PALLD: variants seen among roughly 807,000 people sequenced by gnomAD.
PALLD encodes the protein palladin.
In PALLD, 61 loss-of-function variants were observed where a neutral mutation model predicts 123.5. The ratio of observed to expected loss-of-function variants is 0.49; its 90% CI spans 0.40 to 0.61. PALLD has a LOEUF of 0.61. PALLD is among the 20% of genes least tolerant of loss of function. PALLD has a pLI of 0.00. For missense variants in PALLD, 1,273 were observed against 1,377.0 expected, an observed-to-expected ratio of 0.92 and a Z score of 1.20; for synonymous variants, 465 against 496.4, an observed-to-expected ratio of 0.94 and a Z score of 0.84.
chr4:168,759,681 A>AG (rs1220925047), intron 10 of PALLD, among the ~76,000 whole-genome samples: 2 of 132,612 alleles, frequency 1.5e-5, no homozygotes, highest in Admixed American at 1.7e-4. Flanking sequence ...ATGGTTCATT[A>AG]GGAAAAAGTG....
At chr4:168,718,852 G>T (rs1400426988) in intron 10 of PALLD, among the ~76,000 whole-genome samples, 2 of 151,050 alleles carry the variant, frequency 1.3e-5, no homozygotes, top group Admixed American at 6.6e-5. Flanking sequence ...TTAAGTGATT[G>T]TATATATTTA....
chr4:168,776,905 C>T (rs1158310183), intron 10 of PALLD, among the ~76,000 whole-genome samples: 2 of 152,056 alleles, frequency 1.3e-5, no homozygotes, highest in Non-Finnish European at 2.9e-5. Context: ...GTTAAATATT[C>T]CCAGTACACT....
intron 15 of PALLD, among the ~76,000 whole-genome samples, chr4:168,904,936 G>C (rs540354214): frequency 2.0e-5 from 3 of 151,964 alleles, no homozygotes; most frequent in Admixed American, 2.0e-4. Flanking sequence ...AGACCAGCCT[G>C]GCCAACATGG....
intron 1 of PALLD, among the ~76,000 whole-genome samples, chr4:168,503,315 T>C (rs1420337630): frequency 1.3e-5 from 2 of 152,092 alleles, no homozygotes; most frequent in Non-Finnish European, 2.9e-5. Context: ...CAAAAAGTGG[T>C]AAAATTTAAG....
chr4:168,693,237 C>T (rs1174495411), intron 8 of PALLD, among the ~76,000 whole-genome samples: 1 of 151,750 alleles, frequency 6.6e-6, no homozygotes, highest in Non-Finnish European at 1.5e-5. Context: ...GCATCTTCAT[C>T]ACTTACCCTA....
intron 6 of PALLD, among the ~76,000 whole-genome samples, chr4:168,687,717 A>C (rs1184802436): frequency 6.6e-6 from 1 of 152,126 alleles, no homozygotes; most frequent in African/African-American, 2.4e-5. Context: ...TAAGTACAAA[A>C]TCCTGTTTCC....
chr4:168,534,902 C>T (rs10518006), intron 2 of PALLD, among the ~76,000 whole-genome samples: 63,453 of 151,942 alleles, frequency 0.42, 14,354 homozygotes, highest in African/African-American at 0.6. Flanking sequence ...CCTAATACAA[C>T]CTAATACAAC....
chr4:168,575,805 C>CT (rs1281456260), intron 2 of PALLD, among the ~76,000 whole-genome samples: 2 of 152,076 alleles, frequency 1.3e-5, no homozygotes, highest in East Asian at 3.9e-4. Context: ...AGTTATGCCA[C>CT]TGCTATTGGC....
At chr4:168,644,224 G>T (rs1777223436) in intron 2 of PALLD, among the ~76,000 whole-genome samples, 1 of 151,698 alleles carries the variant, frequency 6.6e-6, no homozygotes, top group African/African-American at 2.4e-5. Flanking sequence ...ATGTAGCTGG[G>T]ATTACAGGCG....
chr4:168,685,318 G>A (rs573287526), intron 5 of PALLD, among the ~76,000 whole-genome samples, 167 bp from the exon 6 acceptor site: 15 of 152,302 alleles, frequency 9.8e-5, no homozygotes, highest in South Asian at 6.2e-4. Context: ...TGAGGAAGTG[G>A]AACAATGTCT....
intron 2 of PALLD, among the ~76,000 whole-genome samples, chr4:168,574,403 TCTTA>T (rs1244803839): frequency 2.0e-5 from 3 of 152,160 alleles, no homozygotes; most frequent in Admixed American, 6.6e-5. Flanking sequence ...TCCAGTAGCT[TCTTA>T]CTTGTCTTCT....
chr4:168,703,984 C>G (rs1783967952), intron 8 of PALLD, among the ~76,000 whole-genome samples: 1 of 152,094 alleles, frequency 6.6e-6, no homozygotes, highest in Admixed American at 6.5e-5. Flanking sequence ...AAGTCCTTGC[C>G]CATGCAGGCT....
chr4:168,788,491 G>A (rs1737061379), intron 10 of PALLD, among the ~76,000 whole-genome samples: 1 of 152,218 alleles, frequency 6.6e-6, no homozygotes, highest in Non-Finnish European at 1.5e-5. Flanking sequence ...TGAATAGGGA[G>A]AGCACAGAGG....
chr4:168,676,268 G>C (rs1780822239), intron 3 of PALLD, among the ~76,000 whole-genome samples: 1 of 151,264 alleles, frequency 6.6e-6, no homozygotes, highest in South Asian at 2.1e-4. Flanking sequence ...CTTTGTAGTT[G>C]TTCAACATTT....
intron 2 of PALLD, among the ~76,000 whole-genome samples, chr4:168,583,862 T>C (rs1444335881): frequency 6.6e-6 from 1 of 152,182 alleles, no homozygotes; most frequent in Non-Finnish European, 1.5e-5. Flanking sequence ...TATCTTTTCT[T>C]TCTTCCAACC....
intron 10 of PALLD, among the ~76,000 whole-genome samples, chr4:168,729,323 A>C (rs2320078): frequency 0.055 from 8,212 of 149,174 alleles, 285 homozygotes; most frequent in South Asian, 0.091. Flanking sequence ...GCACCACCAT[A>C]CCTGGCTAAT....
chr4:168,580,996 G>T (rs1297579995), intron 2 of PALLD, among the ~76,000 whole-genome samples: 1 of 151,070 alleles, frequency 6.6e-6, no homozygotes, highest in Non-Finnish European at 1.5e-5. Flanking sequence ...AGGTGGGAGA[G>T]GTTCAGGAAA....
At chr4:168,705,116 C>T (rs773263267) in intron 8 of PALLD, among the ~76,000 whole-genome samples, 1 of 149,228 alleles carries the variant, frequency 6.7e-6, no homozygotes, top group Non-Finnish European at 1.5e-5. Context: ...TTTAAGACAG[C>T]ACAATTTTGA....
At chr4:168,589,061 A>G (rs1386525200) in intron 2 of PALLD, among the ~76,000 whole-genome samples, 1 of 152,238 alleles carries the variant, frequency 6.6e-6, no homozygotes, top group Admixed American at 6.5e-5. Context: ...CCTAAAGTCA[A>G]GCGGGCTATT....
Sources: gnomAD v4.1 joint callset for allele counts (sites outside exome capture counted in the v4.1 genomes callset) on GRCh38, gnomAD v4.1.1 for gene constraint, MANE v1.5 for transcripts, NCBI Gene and HGNC (gene_info 2026-07-23, HGNC 2026-07-21) for gene names.